The following CDH13 variants were observed in gnomAD, a reference collection of about 807,000 sequenced individuals.
CDH13 encodes the protein cadherin-13.
A neutral mutation model predicts 63.8 loss-of-function variants in CDH13; 24 were observed. The observed-to-expected ratio is 0.38, with a 90% CI of 0.27 to 0.53. The LOEUF is 0.53. CDH13 is among the 20% of genes least tolerant of loss of function. CDH13 has a pLI of 0.85. For missense variants in CDH13, 1,049 were observed against 903.1 expected, an observed-to-expected ratio of 1.16 and a Z score of -2.07; for synonymous variants, 503 against 355.3, an observed-to-expected ratio of 1.42 and a Z score of -4.67.
At chr16:83,694,973 G>A (rs1055661127) in intron 10 of CDH13, among the ~76,000 whole-genome samples, 3 of 152,164 alleles carry the variant, frequency 2.0e-5, no homozygotes, top group African/African-American at 7.2e-5. Flanking sequence ...TAGGAAGGCT[G>A]AGGTGGGCAG....
At chr16:83,188,291 G>A (rs183461196) in intron 4 of CDH13, among the ~76,000 whole-genome samples, 145 of 152,338 alleles carry the variant, frequency 9.5e-4, no homozygotes, top group Non-Finnish European at 1.7e-3. Context: ...AGCAATGGGG[G>A]CTTGGCCCAG....
At chr16:83,393,285 C>G (rs573825832) in intron 6 of CDH13, among the ~76,000 whole-genome samples, 65 of 152,140 alleles carry the variant, frequency 4.3e-4, no homozygotes, top group African/African-American at 1.5e-3. Flanking sequence ...GAAGCATTCT[C>G]GTGGGAATAT....
chr16:83,106,856 T>A (rs1449612995), intron 3 of CDH13, among the ~76,000 whole-genome samples: 1 of 152,212 alleles, frequency 6.6e-6, no homozygotes, highest in Non-Finnish European at 1.5e-5. Context: ...TTTTAATATA[T>A]TTTTTGGAGT....
chr16:82,698,750 AT>A (rs1163603722), intron 1 of CDH13, among the ~76,000 whole-genome samples: 1 of 152,156 alleles, frequency 6.6e-6, no homozygotes. Flanking sequence ...GAATCGGAAC[AT>A]TTTTTACAAT....
intron 6 of CDH13, among the ~76,000 whole-genome samples, chr16:83,408,806 A>G (rs990449778): frequency 6.6e-5 from 10 of 152,188 alleles, no homozygotes; most frequent in African/African-American, 2.4e-4. Flanking sequence ...TTATGTGGAT[A>G]TAAACCTATA....
intron 1 of CDH13, chr16:82,844,497 A>T (rs974397904): frequency 2.0e-5 from 3 of 149,606 alleles, no homozygotes; most frequent in Admixed American, 2.0e-4. Context: ...GCTACTCGGG[A>T]GGCTGAGGCA....
At chr16:83,364,416 C>T (rs554226174) in intron 6 of CDH13, among the ~76,000 whole-genome samples, 1 of 152,294 alleles carries the variant, frequency 6.6e-6, no homozygotes, top group African/African-American at 2.4e-5. Flanking sequence ...CTTGCATTAT[C>T]CCGAGAAATA....
chr16:82,917,241 G>A (rs1048556248), intron 2 of CDH13, among the ~76,000 whole-genome samples: 1 of 152,208 alleles, frequency 6.6e-6, no homozygotes, highest in Non-Finnish European at 1.5e-5. Flanking sequence ...CGATGGGGCA[G>A]TGCAAAAGCC....
intron 1 of CDH13, among the ~76,000 whole-genome samples, chr16:82,795,104 C>T (rs892793301): frequency 1.3e-5 from 2 of 152,216 alleles, no homozygotes; most frequent in African/African-American, 4.8e-5. Flanking sequence ...TCACACATTC[C>T]TTCACCAGAT....
intron 7 of CDH13, among the ~76,000 whole-genome samples, chr16:83,499,062 C>G (rs1035828503): frequency 6.6e-6 from 1 of 152,166 alleles, no homozygotes; most frequent in African/African-American, 2.4e-5. Flanking sequence ...TGATCAAATA[C>G]GTGTGCAAAG....
chr16:83,529,088 T>G (rs1214224136), intron 7 of CDH13, among the ~76,000 whole-genome samples: 1 of 96,152 alleles, frequency 1.0e-5, no homozygotes, highest in East Asian at 2.6e-4. Flanking sequence ...TGAATACCTC[T>G]GTCTTTTTTT....
intron 4 of CDH13, among the ~76,000 whole-genome samples, chr16:83,126,156 C>T (rs2035802951): frequency 6.6e-6 from 1 of 152,172 alleles, no homozygotes. Flanking sequence ...CTCAGTGCCG[C>T]AAAGGAGAAC....
intron 2 of CDH13, among the ~76,000 whole-genome samples, chr16:82,971,168 G>A (rs193024124): frequency 4.6e-5 from 7 of 152,228 alleles, no homozygotes; most frequent in South Asian, 2.1e-4. Context: ...CTTCGAATGC[G>A]ATGACTCTAA....
At chr16:83,481,550 A>G (rs1196731069) in intron 6 of CDH13, among the ~76,000 whole-genome samples, 1 of 152,222 alleles carries the variant, frequency 6.6e-6, no homozygotes, top group Non-Finnish European at 1.5e-5. Context: ...AGCTGCAGTC[A>G]GGAGGAAGGG....
intron 4 of CDH13, among the ~76,000 whole-genome samples, chr16:83,189,862 G>A (rs142681162): frequency 5.9e-5 from 9 of 152,312 alleles, no homozygotes; most frequent in Non-Finnish European, 1.0e-4. Context: ...AATCATGGGG[G>A]CGGCTTTTCT....
chr16:82,900,050 T>C (rs1597170804), intron 2 of CDH13, among the ~76,000 whole-genome samples: 4 of 152,134 alleles, frequency 2.6e-5, no homozygotes, highest in East Asian at 1.9e-4. Context: ...CTCTCTCTCT[T>C]GCTTTCTATT....
intron 8 of CDH13, among the ~76,000 whole-genome samples, chr16:83,657,073 G>A (rs904562642): frequency 6.6e-6 from 1 of 152,180 alleles, no homozygotes; most frequent in South Asian, 2.1e-4. Context: ...TCTTAGGAAA[G>A]ACTAAAGTCA....
intron 5 of CDH13, among the ~76,000 whole-genome samples, chr16:83,238,667 G>T (rs1344835453): frequency 6.6e-6 from 1 of 152,156 alleles, no homozygotes. Flanking sequence ...GGAGATCCTG[G>T]TCTCTTTCAT....
At chr16:82,754,870 A>C (rs984821938) in intron 1 of CDH13, among the ~76,000 whole-genome samples, 30 of 152,324 alleles carry the variant, frequency 2.0e-4, no homozygotes, top group African/African-American at 6.5e-4. Context: ...TTCATGAGCC[A>C]AGAGTGCATA....
Sources: gnomAD v4.1 joint callset for allele counts (sites outside exome capture counted in the v4.1 genomes callset) on GRCh38, gnomAD v4.1.1 for gene constraint, MANE v1.5 for transcripts, NCBI Gene and HGNC (gene_info 2026-07-23, HGNC 2026-07-21) for gene names.